Variants in LRRTM3 observed in about 807,000 individuals in gnomAD.
LRRTM3 encodes leucine-rich repeat transmembrane neuronal protein 3.
Under a neutral mutation model 44.7 loss-of-function variants are expected in LRRTM3, and 24 were observed. The ratio of observed to expected loss-of-function variants is 0.54; its 90% CI spans 0.39 to 0.76. The LOEUF is 0.76. Among genes scored for constraint, LRRTM3 ranks in the 30% least tolerant of loss-of-function variants. The pLI, the probability that LRRTM3 is intolerant of heterozygous loss-of-function variation, is 0.00. For synonymous variants in LRRTM3, 277 were observed against 278.7 expected (o/e 0.99, Z 0.06); for missense variants, 587 against 702.2 (o/e 0.84, Z 1.85).
intron 2 of LRRTM3, among the ~76,000 whole-genome samples, chr10:67,087,585 G>C (rs1276778237): frequency 1.3e-5 from 2 of 151,768 alleles, no homozygotes; most frequent in Non-Finnish European, 2.9e-5. Flanking sequence ...TTTTTAAATA[G>C]TTAAAATCAA....
At chr10:66,937,225 T>C (rs1847756910) in intron 2 of LRRTM3, among the ~76,000 whole-genome samples, 1 of 152,180 alleles carries the variant, frequency 6.6e-6, no homozygotes, top group African/African-American at 2.4e-5. Context: ...TTAGTAACTG[T>C]GAAACCTTGA....
chr10:66,933,728 G>C (rs542865614), intron 2 of LRRTM3, among the ~76,000 whole-genome samples: 1 of 151,700 alleles, frequency 6.6e-6, no homozygotes, highest in Non-Finnish European at 1.5e-5. Context: ...ATAAAAAGGG[G>C]TATAAATGTA....
intron 2 of LRRTM3, among the ~76,000 whole-genome samples, chr10:66,988,584 T>C (rs77574759): frequency 0.012 from 1,867 of 152,270 alleles, 38 homozygotes; most frequent in African/African-American, 0.043. Context: ...CATTATTTTA[T>C]ATAGTATTGT....
At chr10:67,086,644 T>A (rs1350424278) in intron 2 of LRRTM3, among the ~76,000 whole-genome samples, 3 of 151,920 alleles carry the variant, frequency 2.0e-5, no homozygotes, top group Non-Finnish European at 4.4e-5. Flanking sequence ...GGAAAGCAAG[T>A]GGGCTATTAG....
At chr10:67,026,725 C>T (rs941778751) in intron 2 of LRRTM3, among the ~76,000 whole-genome samples, 1 of 152,132 alleles carries the variant, frequency 6.6e-6, no homozygotes, top group Non-Finnish European at 1.5e-5. Flanking sequence ...TATTAACGTT[C>T]ATTTAAAACC....
At chr10:67,049,236 TA>T (rs750935304) in intron 2 of LRRTM3, among the ~76,000 whole-genome samples, 22 of 152,114 alleles carry the variant, frequency 1.4e-4, no homozygotes, top group Non-Finnish European at 2.4e-4. Flanking sequence ...GTTATTTCCA[TA>T]TTGATCATGT....
intron 2 of LRRTM3, among the ~76,000 whole-genome samples, chr10:67,095,985 C>T (rs1857966699): frequency 6.6e-6 from 1 of 151,734 alleles, no homozygotes; most frequent in Non-Finnish European, 1.5e-5. Flanking sequence ...ATCTTTCAGT[C>T]GCCTTGACCA....
intron 2 of LRRTM3, among the ~76,000 whole-genome samples, chr10:67,091,152 CA>C (rs1857606289): frequency 6.6e-6 from 1 of 151,984 alleles, no homozygotes; most frequent in Non-Finnish European, 1.5e-5. Context: ...AGCCAATCTC[CA>C]AACACACATC....
At chr10:66,953,446 G>T (rs1692445602) in intron 2 of LRRTM3, among the ~76,000 whole-genome samples, 1 of 152,078 alleles carries the variant, frequency 6.6e-6, no homozygotes, top group Non-Finnish European at 1.5e-5. Context: ...TGATCAAATG[G>T]TGATGATTAC....
chr10:67,067,268 A>T (rs1422700237), intron 2 of LRRTM3, among the ~76,000 whole-genome samples: 1 of 149,972 alleles, frequency 6.7e-6, no homozygotes. Flanking sequence ...TATTAGAATC[A>T]TTTTATGACA....
chr10:66,997,967 T>C lies in LRRTM3; in HGVS notation c.1536+69515T>C, dbSNP rs1259245235. 2.0e-5 allele frequency among the ~76,000 whole-genome samples: 3 copies of C among 152,174 alleles called. No individual in the cohort carries two copies. In the East Asian group the frequency reaches 5.8e-4, roughly 29 times the overall value. ...CTTCAAGTTCACTACCACTGCTTCA[T>C]CATTCATCACTTGGATTATTGCAGT... On this transcript the variant is annotated intron_variant, in intron 2 of 2. Coordinates refer to ENST00000361320, the MANE Select transcript of LRRTM3 (RefSeq NM_178011.5).
intron 2 of LRRTM3, among the ~76,000 whole-genome samples, chr10:67,044,575 C>T (rs1316899232): frequency 1.3e-5 from 2 of 152,292 alleles, no homozygotes; most frequent in East Asian, 1.9e-4. Flanking sequence ...GAAGTGATAG[C>T]TATCCCTCTG....
intron 2 of LRRTM3, among the ~76,000 whole-genome samples, chr10:66,936,509 T>C (rs1188918643): frequency 6.6e-6 from 1 of 152,148 alleles, no homozygotes; most frequent in African/African-American, 2.4e-5. Flanking sequence ...TTCTCTGTTG[T>C]TTTCTGCCTG....
At chr10:66,984,374 G>T (rs911110046) in intron 2 of LRRTM3, among the ~76,000 whole-genome samples, 5 of 152,126 alleles carry the variant, frequency 3.3e-5, no homozygotes, top group African/African-American at 1.2e-4. Context: ...GAACAAGAAG[G>T]AAGGTTAAAA....
intron 2 of LRRTM3, among the ~76,000 whole-genome samples, chr10:67,065,744 A>G (rs115038662): frequency 0.013 from 1,997 of 152,286 alleles, 48 homozygotes; most frequent in African/African-American, 0.045. Flanking sequence ...AAGGAGGCAT[A>G]TATGTGAATG....
intron 2 of LRRTM3, among the ~76,000 whole-genome samples, chr10:67,079,196 G>A (rs1001046047): frequency 6.6e-6 from 1 of 152,162 alleles, no homozygotes; most frequent in Non-Finnish European, 1.5e-5. Flanking sequence ...GGGGATGTAT[G>A]CAAGGTTAAC....
intron 2 of LRRTM3, among the ~76,000 whole-genome samples, chr10:67,051,210 T>A (rs1290628940): frequency 1.3e-5 from 2 of 152,166 alleles, no homozygotes; most frequent in Non-Finnish European, 2.9e-5. Context: ...TAGTTCTCAG[T>A]CTGTCTCTGA....
chr10:67,014,710 T>C (rs1231418316), intron 2 of LRRTM3, among the ~76,000 whole-genome samples: 1 of 151,978 alleles, frequency 6.6e-6, no homozygotes, highest in East Asian at 1.9e-4. Flanking sequence ...ATATAAAAAC[T>C]TCAAGTAATA....
chr10:66,934,150 C>T (rs1434346317), intron 2 of LRRTM3, among the ~76,000 whole-genome samples: 1 of 151,946 alleles, frequency 6.6e-6, no homozygotes, highest in East Asian at 1.9e-4. Flanking sequence ...AACAACAGAA[C>T]TTCTATAAGC....
Sources: allele counts gnomAD v4.1 joint callset (sites outside exome capture counted in the v4.1 genomes callset), GRCh38; gene constraint gnomAD v4.1.1; transcripts MANE v1.5; gene names NCBI Gene and HGNC (gene_info 2026-07-23, HGNC 2026-07-21).